Variants in TENT4B observed in about 807,000 individuals in gnomAD.
TENT4B encodes the protein terminal nucleotidyltransferase 4B.
A neutral mutation model predicts 75.0 loss-of-function variants in TENT4B; 10 were observed. That is an observed-to-expected ratio of 0.13 (90% CI 0.08 to 0.23). The LOEUF (loss-of-function observed/expected upper bound fraction) is 0.23, where lower values mean the gene tolerates loss of function less well. TENT4B is among the 10% of genes least tolerant of loss of function. The pLI, the probability that TENT4B is intolerant of heterozygous loss-of-function variation, is 1.00. For synonymous variants in TENT4B, 350 were observed against 357.7 expected (o/e 0.98, Z 0.24); for missense variants, 579 against 893.8 (o/e 0.65, Z 4.49).
At chr16:50,181,497 G>A (rs906556622) in intron 1 of TENT4B, among the ~76,000 whole-genome samples, 2 of 142,428 alleles carry the variant, frequency 1.4e-5, no homozygotes, top group Non-Finnish European at 3.0e-5. Context: ...TAGAGACAGA[G>A]TTTCACCATG....
chr16:50,219,409 T>G (rs2031722816), intron 5 of TENT4B, among the ~76,000 whole-genome samples: 1 of 152,208 alleles, frequency 6.6e-6, no homozygotes. Context: ...CTTTATTCTT[T>G]TTGTTGGTTA....
In TENT4B at chr16:50,216,276, C is replaced by G. The variant is rs967669845; in HGVS notation, c.930+81C>G. ...AATTAAAATTAAAGTTTGGTGAGCA[C>G]AGTTGCATTGCAAGTGAGTGATTCT... On this transcript the variant is annotated intron_variant, in intron 4 of 11. Coordinates refer to ENST00000561678, the MANE Select transcript of TENT4B (RefSeq NM_001365324.3). 7 of 1,515,322 alleles carry G rather than the reference C, an allele frequency of 4.6e-6. No homozygotes were observed. In the African/African-American group the frequency reaches 9.7e-5, roughly 21 times the overall value. The allele number at this position is 1,515,322 out of a possible 1,614,324, so 93.9% of individuals were successfully genotyped here.
intron 1 of TENT4B, among the ~76,000 whole-genome samples, chr16:50,169,321 T>G (rs2038161185): frequency 6.6e-6 from 1 of 151,578 alleles, no homozygotes; most frequent in South Asian, 2.1e-4. Context: ...TTTACTATGA[T>G]CCCTTTTTCC....
chr16:50,166,414 T>A (rs2038101880), intron 1 of TENT4B, among the ~76,000 whole-genome samples: 3 of 152,230 alleles, frequency 2.0e-5, no homozygotes, highest in Admixed American at 2.0e-4. Context: ...GTCTTCTTTA[T>A]TATAGCCAAT....
chr16:50,153,198 GAGC>G (rs2037801017), upstream of TENT4B, among the ~76,000 whole-genome samples: 38 of 97,304 alleles, frequency 3.9e-4, no homozygotes, highest in Admixed American at 5.0e-4. Context: ...GGGGGGGGCG[GAGC>G]GAGAGGGGCG....
At chr16:50,169,829 C>A (rs2038172799) in intron 1 of TENT4B, among the ~76,000 whole-genome samples, 1 of 152,094 alleles carries the variant, frequency 6.6e-6, no homozygotes, top group Admixed American at 6.6e-5. Flanking sequence ...CTCTACTGGG[C>A]TTTTGGTCAG....
In TENT4B at chr16:50,214,212, C is replaced by G. The variant is rs1316291787; in HGVS notation, c.763-9C>G. On this transcript the variant is annotated splice_polypyrimidine_tract_variant and intron_variant, in intron 2 of 11. Transcript: ENST00000561678. ...CTCAATATAATAACAACTTCTTTTT[C>G]TGTTTCAGGTCCAGATATTTGGAAG... 15 of 1,565,178 alleles carry G rather than the reference C, an allele frequency of 9.6e-6. No individual in the cohort carries two copies. Among genetic ancestry groups the G allele is most frequent in the Non-Finnish European group, 1.3e-5 (15 of 1,141,528 alleles).
rs200756163 is a variant in TENT4B, at chr16:50,226,213, C to T, written c.1800+928C>T. On this transcript the variant is annotated intron_variant, in intron 10 of 11. Coordinates refer to ENST00000561678, the MANE Select transcript of TENT4B (RefSeq NM_001365324.3). The stretch of plus-strand genomic sequence containing the variant: ...ATGGGGTTTCACCATGTTGGCCAGG[C>T]TGGTCTCGAATTCCTGACCTCAAGA... 4.6e-5 allele frequency among the ~76,000 whole-genome samples: 7 copies of T among 152,028 alleles called. No homozygotes were observed. The East Asian group carries it at 1.4e-3, about 30-fold the overall frequency.
At position 50,230,615 on chromosome 16, in the gene TENT4B, C is replaced by T; in HGVS notation, c.*1287C>T. 1 of 983,922 alleles carries T rather than the reference C, an allele frequency of 1.0e-6. No homozygotes were observed. The highest frequency in any genetic ancestry group is 4.7e-5 in the South Asian group (1 of 21,238). The allele number at this position is 983,922 out of a possible 1,614,324, so 60.9% of individuals were successfully genotyped here. On this transcript the variant is annotated 3_prime_UTR_variant, in exon 12 of 12. Coordinates refer to ENST00000561678, the MANE Select transcript of TENT4B (RefSeq NM_001365324.3). ...ATTGCCTTATTAAGACCAAATACTT[C>T]TTGTCATCCCATTCTTTATCCTCTT...
intron 1 of TENT4B, among the ~76,000 whole-genome samples, chr16:50,191,179 G>A (rs905689568): frequency 6.6e-6 from 1 of 152,094 alleles, no homozygotes; most frequent in African/African-American, 2.4e-5. Flanking sequence ...AGCTGTACAA[G>A]TATCTATTTG....
At position 50,225,234 on chromosome 16, in the gene TENT4B, A is replaced by C. The variant is rs2093353719; in HGVS notation, c.1749A>C (p.Ser583=). 1 of 1,613,882 alleles carries C rather than the reference A, an allele frequency of 6.2e-7. No individual in the cohort carries two copies. Among genetic ancestry groups the C allele is most frequent in the Non-Finnish European group, 8.5e-7 (1 of 1,179,874 alleles). Residue 583 remains serine (S), a synonymous_variant, in exon 10 of 12, where the codon TCA becomes TCC. Coordinates refer to ENST00000561678, the MANE Select transcript of TENT4B (RefSeq NM_001365324.3). ...TTAGTAAACACTCTTCAAACTCTTC[A>C]TCAGGTCCAGTGTCGTCCTCTTCTG... ...ESLSKHSSNS[S]SGPVSSSSAT...
rs1431589326 is a variant in TENT4B at position 50,233,006 on chromosome 16, T to A, written c.*3678T>A. ...GAACAGAAGAATTTATTCTTACCCA[T>A]CTATTCTTGTTCTCCTAGTTCATTA... On this transcript the variant is annotated 3_prime_UTR_variant, in exon 12 of 12. Coordinates refer to ENST00000561678, the MANE Select transcript of TENT4B (RefSeq NM_001365324.3). The A allele has an allele frequency of 1.1e-5, 11 of 984,358 alleles. No homozygotes were observed. Among genetic ancestry groups the A allele is most frequent in the Non-Finnish European group, 1.3e-5 (11 of 829,046 alleles). 61.0% of individuals were successfully genotyped at this position (984,358 alleles called of 1,614,324 possible).
chr16:50,153,808 G>A lies in TENT4B; in HGVS notation c.187G>A (p.Gly63Ser), dbSNP rs1597209933. Residue 63 changes from glycine (G) to serine (S), a missense_variant, in exon 1 of 12, where the codon GGC (glycine) becomes AGC (serine). Transcript: ENST00000561678. ...CAGCAGCACGGCCACCGGCGGGAGC[G>A]GCAGCAGCACCGGCAGCCCCGGCGG... ...SSSSTATGGS[G>S]SSTGSPGGAA... 8.2e-7 allele frequency: 1 copy of A among 1,215,906 alleles called. No individual in the cohort carries two copies. The allele number at this position is 1,215,906 out of a possible 1,614,324, so 75.3% of individuals were successfully genotyped here.
chr16:50,152,914 T>C (rs1204076853), upstream of TENT4B: 8 of 1,458,530 alleles, frequency 5.5e-6, 1 homozygote, highest in South Asian at 1.0e-4. Context: ...GAGTGGCACC[T>C]CCCACAACGC....
chr16:50,195,236 A>C (rs1209873307), intron 1 of TENT4B, among the ~76,000 whole-genome samples: 1 of 152,198 alleles, frequency 6.6e-6, no homozygotes, highest in Non-Finnish European at 1.5e-5. Context: ...TCTTTGAAAA[A>C]TATGAGGTAC....
intron 1 of TENT4B, among the ~76,000 whole-genome samples, chr16:50,169,068 C>A (rs1054711625): frequency 6.6e-6 from 1 of 152,096 alleles, no homozygotes; most frequent in African/African-American, 2.4e-5. Flanking sequence ...ATTCATTTGC[C>A]GTATCAAATA....
chr16:50,185,042 A>G (rs1057150923), intron 1 of TENT4B, among the ~76,000 whole-genome samples: 3 of 152,126 alleles, frequency 2.0e-5, no homozygotes, highest in African/African-American at 7.2e-5. Context: ...GCGAGTGAGA[A>G]AGAGAGAGAG....
At chr16:50,166,839 A>T (rs1197736613) in intron 1 of TENT4B, among the ~76,000 whole-genome samples, 1 of 141,408 alleles carries the variant, frequency 7.1e-6, no homozygotes, top group Non-Finnish European at 1.5e-5. Flanking sequence ...CTTATTGCCC[A>T]GGCTGGTCTC....
intron 5 of TENT4B, among the ~76,000 whole-genome samples, chr16:50,218,735 G>T (rs538147824): frequency 6.6e-6 from 1 of 152,062 alleles, no homozygotes; most frequent in Admixed American, 6.5e-5. Context: ...TACCTTTAAG[G>T]TGTTTCCTAC....
Sources: allele counts gnomAD v4.1 joint callset (sites outside exome capture counted in the v4.1 genomes callset), GRCh38; gene constraint gnomAD v4.1.1; transcripts MANE v1.5; gene names NCBI Gene and HGNC (gene_info 2026-07-23, HGNC 2026-07-21).